PLAC1: variants seen among roughly 807,000 people sequenced by gnomAD.
PLAC1 encodes placenta associated 1.
For synonymous variants in PLAC1, 68 were observed against 62.1 expected, an observed-to-expected ratio of 1.09 and a Z score of -0.44; for missense variants, 136 against 163.2, an observed-to-expected ratio of 0.83 and a Z score of 0.91.
At chrX:134,683,516 A>G (rs907874850) in intron 2 of PLAC1, among the ~76,000 whole-genome samples, 2 of 111,720 alleles carry the variant, frequency 1.8e-5, no homozygotes, top group African/African-American at 6.5e-5. Flanking sequence ...ATAGATTGCC[A>G]GGGGTTTGCA....
chrX:134,574,972 A>G (rs2077929704), intron 2 of PLAC1, among the ~76,000 whole-genome samples: 1 of 110,689 alleles, frequency 9.0e-6, no homozygotes, highest in African/African-American at 3.3e-5. Context: ...TCCTCCTGAG[A>G]GCAGACCTAC....
At chrX:134,723,821 A>G (rs2078665894) in intron 2 of PLAC1, among the ~76,000 whole-genome samples, 1 of 111,791 alleles carries the variant, frequency 8.9e-6, no homozygotes, top group African/African-American at 3.2e-5. Context: ...TTTACAACAG[A>G]TTGGAAATAA....
chrX:134,666,500 A>C (rs148449281), intron 2 of PLAC1, among the ~76,000 whole-genome samples: 1 of 111,579 alleles, frequency 9.0e-6, no homozygotes, highest in South Asian at 3.9e-4. Flanking sequence ...TTAAACCGAG[A>C]GTGGGCAGTC....
chrX:134,566,895 C>T (rs1028829815), intron 2 of PLAC1, among the ~76,000 whole-genome samples, 155 bp from the exon 3 acceptor site: 2 of 112,504 alleles, frequency 1.8e-5, no homozygotes, highest in Non-Finnish European at 3.8e-5. Context: ...ATTGTTGGAA[C>T]TCACGTGTTT....
intron 2 of PLAC1, among the ~76,000 whole-genome samples, chrX:134,732,820 T>C (rs972623737): frequency 8.9e-6 from 1 of 112,150 alleles, no homozygotes; most frequent in Admixed American, 9.4e-5. Context: ...GCTGAACACA[T>C]TGTTTTTGTG....
intron 2 of PLAC1, among the ~76,000 whole-genome samples, chrX:134,696,574 G>A (rs753070165): frequency 1.8e-5 from 2 of 111,691 alleles, no homozygotes; most frequent in Non-Finnish European, 3.8e-5. Flanking sequence ...TCTGGGAGTC[G>A]TAGCTTGGCT....
chrX:134,591,737 T>A (rs1431543504), intron 2 of PLAC1, among the ~76,000 whole-genome samples: 1 of 112,323 alleles, frequency 8.9e-6, no homozygotes, highest in Non-Finnish European at 1.9e-5. Flanking sequence ...TTTTCCAGAG[T>A]GGCTGTAGCA....
chrX:134,645,782 G>A (rs1569396412), intron 1 of PLAC1, among the ~76,000 whole-genome samples: 1 of 111,889 alleles, frequency 8.9e-6, no homozygotes, highest in East Asian at 2.8e-4. Context: ...GATAATGCAA[G>A]CCTTCCCATT....
At chrX:134,664,427 C>A (rs971085311) in intron 2 of PLAC1, among the ~76,000 whole-genome samples, 1 of 112,107 alleles carries the variant, frequency 8.9e-6, no homozygotes, top group African/African-American at 3.2e-5. Flanking sequence ...CTGGAAGATG[C>A]CTTTCTCTCA....
At chrX:134,617,598 T>C (rs1479233050) in intron 1 of PLAC1, among the ~76,000 whole-genome samples, 8 of 112,082 alleles carry the variant, frequency 7.1e-5, no homozygotes, top group Non-Finnish European at 7.5e-5. Context: ...AGGTGGTTTT[T>C]AGCCTCATTT....
chrX:134,591,030 C>T (rs2078037221), intron 2 of PLAC1, among the ~76,000 whole-genome samples: 1 of 111,561 alleles, frequency 9.0e-6, no homozygotes, highest in Non-Finnish European at 1.9e-5. Flanking sequence ...GAGCTGGAGC[C>T]CAGGTCAGCA....
At chrX:134,633,615 AC>A (rs745569467) in intron 1 of PLAC1, among the ~76,000 whole-genome samples, 143 of 111,719 alleles carry the variant, frequency 1.3e-3, no homozygotes, top group South Asian at 4.9e-3. Context: ...ATTTGCAGTT[AC>A]CAAGGTTTTC....
In PLAC1 at chrX:134,565,946, G is replaced by A; in HGVS notation, c.*98C>T. 3.0e-6 allele frequency: 2 copies of A among 673,740 alleles called. No individual in the cohort carries two copies. The highest frequency in any genetic ancestry group is 2.2e-6 in the Non-Finnish European group (1 of 447,773). 55.5% of individuals were successfully genotyped at this position (673,740 alleles called of 1,213,427 possible). A position where few individuals can be genotyped will look rare whatever the true frequency, so the allele number is the denominator to read the frequency against. On this transcript the variant is annotated 3_prime_UTR_variant, in exon 3 of 3. Coordinates refer to ENST00000359237, the MANE Select transcript of PLAC1 (RefSeq NM_021796.4). ...CTATAGGTTTCTCTTTCTCAAAAGT[G>A]CTCACATGAGGGTCACAAGAGCACT...
intron 1 of PLAC1, among the ~76,000 whole-genome samples, chrX:134,635,858 T>C (rs764330082): frequency 8.9e-6 from 1 of 112,237 alleles, no homozygotes; most frequent in African/African-American, 3.2e-5. Context: ...AGATAGAAGC[T>C]CATCAACTGC....
chrX:134,662,136 G>T (rs1301263227), upstream of PLAC1, among the ~76,000 whole-genome samples: 1 of 110,792 alleles, frequency 9.0e-6, no homozygotes, highest in Non-Finnish European at 1.9e-5. Flanking sequence ...TCCCAGCTGA[G>T]GCAGGAGGAT....
intron 1 of PLAC1, among the ~76,000 whole-genome samples, chrX:134,633,289 T>C (rs996032461): frequency 3.6e-5 from 4 of 111,893 alleles, no homozygotes; most frequent in South Asian, 3.8e-4. Flanking sequence ...CAGGAAAATC[T>C]GTGAATGCAG....
chrX:134,577,318 G>T (rs961440490), intron 2 of PLAC1, among the ~76,000 whole-genome samples: 1 of 112,001 alleles, frequency 8.9e-6, no homozygotes, highest in African/African-American at 3.2e-5. Context: ...TTCCCTGTAG[G>T]CATTCAGTTA....
intron 2 of PLAC1, among the ~76,000 whole-genome samples, chrX:134,696,460 C>T (rs1277415190): frequency 8.9e-6 from 1 of 111,993 alleles, no homozygotes; most frequent in Admixed American, 9.4e-5. Context: ...CTTACAGCCT[C>T]AGAGAAAAAT....
At chrX:134,722,985 A>T (rs2078662818) in intron 2 of PLAC1, among the ~76,000 whole-genome samples, 1 of 110,486 alleles carries the variant, frequency 9.1e-6, no homozygotes, top group Non-Finnish European at 1.9e-5. Flanking sequence ...GTCTCAAAAA[A>T]AAAAAAAGAC....
Sources: allele counts gnomAD v4.1 joint callset (sites outside exome capture counted in the v4.1 genomes callset), GRCh38; gene constraint gnomAD v4.1.1; transcripts MANE v1.5; gene names NCBI Gene and HGNC (gene_info 2026-07-23, HGNC 2026-07-21).